EBF2: variants seen among roughly 807,000 people sequenced by gnomAD.
EBF2 encodes EBF transcription factor 2.
A neutral mutation model predicts 72.8 loss-of-function variants in EBF2; 21 were observed. That is an observed-to-expected ratio of 0.29 (90% CI 0.20 to 0.42). The LOEUF (loss-of-function observed/expected upper bound fraction) is 0.42. Among genes scored for constraint, EBF2 ranks in the 10% least tolerant of loss-of-function variants. The probability of loss-of-function intolerance (pLI) is 1.00; values close to 1 mark genes in which losing one functional copy is unlikely to be tolerated. For synonymous variants in EBF2, 299 were observed against 274.2 expected (o/e 1.09, Z -0.89); for missense variants, 637 against 731.2 (o/e 0.87, Z 1.49).
At chr8:26,009,879 T>C (rs1330645603) in intron 6 of EBF2, among the ~76,000 whole-genome samples, 1 of 152,114 alleles carries the variant, frequency 6.6e-6, no homozygotes, top group African/African-American at 2.4e-5. Context: ...AAGAAAAACA[T>C]GCATTTAAAG....
chr8:25,848,273 G>T (rs980072547), intron 15 of EBF2, among the ~76,000 whole-genome samples: 6 of 152,206 alleles, frequency 3.9e-5, no homozygotes, highest in African/African-American at 1.4e-4. Flanking sequence ...AGAGCCTAGA[G>T]CCTGTGCCTA....
At chr8:25,908,586 T>G in intron 6 of EBF2, 31 bp from the exon 7 acceptor site, 1 of 1,442,800 alleles carries the variant, frequency 6.9e-7, no homozygotes, top group Non-Finnish European at 9.7e-7. Context: ...GTTACATTTT[T>G]CAGTAAACAT....
chr8:25,930,283 G>C (rs1439813277), intron 6 of EBF2, among the ~76,000 whole-genome samples: 2 of 152,160 alleles, frequency 1.3e-5, no homozygotes, highest in Non-Finnish European at 2.9e-5. Flanking sequence ...CACCTGCACT[G>C]TCTCAAGTAG....
chr8:25,907,165 C>A (rs1803048543), intron 7 of EBF2, among the ~76,000 whole-genome samples: 1 of 151,862 alleles, frequency 6.6e-6, no homozygotes, highest in Non-Finnish European at 1.5e-5. Flanking sequence ...ACACCTGTAA[C>A]CCCAGCACTT....
chr8:25,986,663 A>G (rs1415204700), intron 6 of EBF2, among the ~76,000 whole-genome samples: 1 of 141,894 alleles, frequency 7.0e-6, no homozygotes, highest in Non-Finnish European at 1.5e-5. Context: ...TGATACACCA[A>G]TAACAACAAC....
At chr8:25,996,821 G>A (rs753302887) in intron 6 of EBF2, among the ~76,000 whole-genome samples, 1 of 152,010 alleles carries the variant, frequency 6.6e-6, no homozygotes, top group Non-Finnish European at 1.5e-5. Flanking sequence ...GAACACAAAG[G>A]CAAGTACCTC....
intron 6 of EBF2, among the ~76,000 whole-genome samples, chr8:26,027,799 T>G (rs1805324144): frequency 1.3e-5 from 2 of 152,150 alleles, no homozygotes. Flanking sequence ...AAGGATATTC[T>G]GACACATGCT....
intron 6 of EBF2, among the ~76,000 whole-genome samples, chr8:25,975,912 A>G (rs1804261287): frequency 6.6e-6 from 1 of 152,160 alleles, no homozygotes; most frequent in Non-Finnish European, 1.5e-5. Context: ...GCTGCCAAAG[A>G]AAAGTTAAAA....
At position 25,889,857 on chromosome 8, in the gene EBF2, T is replaced by C. The variant is rs767192126; in HGVS notation, c.646A>G (p.Thr216Ala). Reference protein sequence around the residue: ...DMRRFQVVLSTTVNVDGHVLA... With the variant: ...DMRRFQVVLSATVNVDGHVLA... ...ACGTGTCCATCCACATTCACCGTTG[T>C]TGACAACACAACCTGCATATTTAAA... The change falls in exon 8 of 16, where the codon ACA becomes GCA. Residue 216 changes from threonine to alanine, a missense_variant. By Grantham distance (58) the Thr-to-Ala change is moderately conservative (BLOSUM62 0). This residue lies in a region of EBF2 where 204 missense variants were observed against 301.2 expected (regional missense o/e 0.68). Coordinates refer to ENST00000520164, the MANE Select transcript of EBF2 (RefSeq NM_022659.4). 1 of 1,613,836 alleles carries C rather than the reference T, an allele frequency of 6.2e-7. No homozygotes were observed. Among genetic ancestry groups the C allele is most frequent in the South Asian group, 1.1e-5 (1 of 91,074 alleles).
intron 6 of EBF2, among the ~76,000 whole-genome samples, chr8:26,009,538 G>A (rs1239806636): frequency 3.9e-5 from 6 of 152,164 alleles, no homozygotes; most frequent in African/African-American, 1.4e-4. Flanking sequence ...AAATGCAAAC[G>A]CTGCAAAACG....
intron 15 of EBF2, among the ~76,000 whole-genome samples, chr8:25,850,215 C>T (rs774839507): frequency 2.0e-4 from 30 of 152,122 alleles, no homozygotes; most frequent in Non-Finnish European, 2.5e-4. Context: ...TAGGTTCAAG[C>T]GATTCTTCTC....
At position 25,889,874 on chromosome 8, in the gene EBF2, A is replaced by G. The variant is rs1250589231; in HGVS notation, c.634-5T>C. On this transcript the variant is annotated splice_polypyrimidine_tract_variant and splice_region_variant and intron_variant, in intron 7 of 15. Coordinates refer to ENST00000520164, the MANE Select transcript of EBF2 (RefSeq NM_022659.4). ...CACCGTTGTTGACAACACAACCTGC[A>G]TATTTAAAGTAAAAAGGAGAAAGGG... 3.7e-6 allele frequency: 6 copies of G among 1,612,176 alleles called. No individual in the cohort carries two copies. In the East Asian group the frequency reaches 1.1e-4, roughly 30 times the overall value.
intron 6 of EBF2, among the ~76,000 whole-genome samples, chr8:26,017,775 G>A (rs1355524035): frequency 6.6e-6 from 1 of 152,060 alleles, no homozygotes; most frequent in African/African-American, 2.4e-5. Context: ...ACTCTTTTTT[G>A]TTGTAACAGG....
At chr8:26,009,220 T>C (rs1353002300) in intron 6 of EBF2, among the ~76,000 whole-genome samples, 3 of 151,792 alleles carry the variant, frequency 2.0e-5, no homozygotes, top group Non-Finnish European at 2.9e-5. Context: ...TACTTCACAA[T>C]GGCTGAACAT....
intron 6 of EBF2, among the ~76,000 whole-genome samples, chr8:25,939,434 T>C (rs1195226162): frequency 6.6e-6 from 1 of 152,168 alleles, no homozygotes; most frequent in African/African-American, 2.4e-5. Flanking sequence ...TTTGCGTCCG[T>C]GTGTGTTTGT....
chr8:25,873,952 A>T (rs985511807), intron 10 of EBF2, among the ~76,000 whole-genome samples: 15 of 152,254 alleles, frequency 9.9e-5, no homozygotes, highest in Admixed American at 9.8e-4. Flanking sequence ...CATTTCTCAG[A>T]CTCAGCTGAA....
chr8:26,030,570 T>TAA (rs969166114), intron 6 of EBF2, among the ~76,000 whole-genome samples: 1 of 145,266 alleles, frequency 6.9e-6, no homozygotes, highest in African/African-American at 2.5e-5. Flanking sequence ...AAATTTCAAT[T>TAA]AAAAAAAAAA....
chr8:25,891,269 G>C (rs1200438429), intron 7 of EBF2, among the ~76,000 whole-genome samples: 1 of 152,132 alleles, frequency 6.6e-6, no homozygotes, highest in Admixed American at 6.5e-5. Flanking sequence ...TAGCAGAAGG[G>C]AGTGGACCTG....
intron 5 of EBF2, among the ~76,000 whole-genome samples, chr8:26,036,092 G>A (rs186204830): frequency 6.0e-4 from 92 of 152,252 alleles, no homozygotes; most frequent in African/African-American, 2.2e-3. Flanking sequence ...GCAATGCCGG[G>A]TACAATTTAA....
Sources: gnomAD v4.1 joint callset for allele counts (sites outside exome capture counted in the v4.1 genomes callset) on GRCh38, gnomAD v4.1.1 for gene constraint, gnomAD v4.1.1 regional missense constraint, MANE v1.5 for transcripts, NCBI Gene and HGNC (gene_info 2026-07-23, HGNC 2026-07-21) for gene names.